The following METTL8 variants were observed in gnomAD, a reference collection of about 807,000 sequenced individuals.
METTL8 encodes the protein methyltransferase 8, tRNA N3-cytidine.
In METTL8, 32 loss-of-function variants were observed where a neutral mutation model predicts 48.7. The observed-to-expected ratio is 0.66, with a 90% CI of 0.50 to 0.88. The LOEUF (loss-of-function observed/expected upper bound fraction) is 0.88. METTL8 is among the 40% of genes least tolerant of loss of function. The probability of loss-of-function intolerance (pLI) is 0.00; values close to 1 mark genes in which losing one functional copy is unlikely to be tolerated. For missense variants in METTL8, 464 were observed against 474.4 expected (o/e 0.98, Z 0.20); for synonymous variants, 136 against 157.1 (o/e 0.87, Z 1.01).
At chr2:171,407,496 CT>C (rs1690311019) in intron 1 of METTL8, among the ~76,000 whole-genome samples, 1 of 152,074 alleles carries the variant, frequency 6.6e-6, no homozygotes, top group Non-Finnish European at 1.5e-5. Flanking sequence ...GAACGAGAGG[CT>C]CTTACAGTGT....
chr2:171,430,655 G>T (rs1692919701), intron 1 of METTL8, among the ~76,000 whole-genome samples: 1 of 152,148 alleles, frequency 6.6e-6, no homozygotes, highest in Non-Finnish European at 1.5e-5. Flanking sequence ...ATGGAGGAGG[G>T]CTGGAATTAA....
intron 4 of METTL8, among the ~76,000 whole-genome samples, chr2:171,338,016 A>T (rs528976018): frequency 5.1e-4 from 78 of 152,354 alleles, no homozygotes; most frequent in Admixed American, 9.1e-4. Context: ...GAATGGTATT[A>T]GTACAACTTC....
chr2:171,419,356 T>G (rs1691651773), intron 1 of METTL8, among the ~76,000 whole-genome samples: 1 of 152,206 alleles, frequency 6.6e-6, no homozygotes, highest in African/African-American at 2.4e-5. Context: ...GTATCTATAT[T>G]AAACTAGAGT....
chr2:171,331,793 G>A lies in METTL8; in HGVS notation c.720+11C>T. The stretch of plus-strand genomic sequence containing the variant: ...AGGCATCAGTTGGTATGATTCCCAG[G>A]AGTAGCATACCTTTACGAGCTCCAC... On this transcript the variant is annotated intron_variant, in intron 6 of 9. Coordinates refer to ENST00000375258, the MANE Select transcript of METTL8 (RefSeq NM_001321154.2). The A allele has an allele frequency of 1.9e-6, 3 of 1,595,226 alleles. No individual in the cohort carries two copies. The highest frequency in any genetic ancestry group is 1.1e-5 in the South Asian group (1 of 88,188).
intron 1 of METTL8, among the ~76,000 whole-genome samples, chr2:171,429,268 G>A (rs1692735626): frequency 6.6e-6 from 1 of 152,208 alleles, no homozygotes; most frequent in Non-Finnish European, 1.5e-5. Flanking sequence ...ATTGATACAT[G>A]TTAATGAGAA....
intron 1 of METTL8, among the ~76,000 whole-genome samples, chr2:171,419,297 A>G (rs975756544): frequency 6.6e-6 from 1 of 152,208 alleles, no homozygotes; most frequent in Non-Finnish European, 1.5e-5. Flanking sequence ...ATAATAAACC[A>G]AGTATATACA....
chr2:171,407,597 A>T (rs563518699), intron 1 of METTL8, among the ~76,000 whole-genome samples: 315 of 152,328 alleles, frequency 2.1e-3, no homozygotes, highest in Non-Finnish European at 3.2e-3. Context: ...CCACCATCTT[A>T]TGTTAATCTT....
chr2:171,410,468 C>A (rs894811204), intron 1 of METTL8, among the ~76,000 whole-genome samples: 1 of 152,180 alleles, frequency 6.6e-6, no homozygotes, highest in Non-Finnish European at 1.5e-5. Context: ...AACCTGTCAA[C>A]CAACTCCCTG....
intron 1 of METTL8, among the ~76,000 whole-genome samples, chr2:171,421,295 C>G (rs1009546903): frequency 3.3e-5 from 5 of 152,110 alleles, no homozygotes; most frequent in African/African-American, 1.2e-4. Context: ...TACTATTTAG[C>G]AAGGCACAGT....
At chr2:171,389,514 C>CA (rs56087323) in intron 2 of METTL8, among the ~76,000 whole-genome samples, 1,172 of 52,052 alleles carry the variant, frequency 0.023, 209 homozygotes, top group Non-Finnish European at 0.024. Flanking sequence ...CCCTGTCTCA[C>CA]AAAAAAAAAA....
chr2:171,381,177 T>C (rs991932606), intron 2 of METTL8, among the ~76,000 whole-genome samples: 19 of 152,128 alleles, frequency 1.2e-4, no homozygotes, highest in African/African-American at 4.3e-4. Context: ...CCTATATAAA[T>C]GGTGCTGGGA....
At chr2:171,399,829 A>C (rs1403341513) in intron 1 of METTL8, among the ~76,000 whole-genome samples, 2 of 152,148 alleles carry the variant, frequency 1.3e-5, no homozygotes, top group African/African-American at 4.8e-5. Flanking sequence ...TATATTTTGC[A>C]AATTGAAAAA....
chr2:171,425,609 G>A (rs889885892), intron 1 of METTL8, among the ~76,000 whole-genome samples: 1 of 152,192 alleles, frequency 6.6e-6, no homozygotes, highest in African/African-American at 2.4e-5. Flanking sequence ...AGTGAGGGTA[G>A]AACAGGACTG....
intron 4 of METTL8, among the ~76,000 whole-genome samples, chr2:171,338,952 A>C (rs567460021): frequency 2.0e-5 from 3 of 151,988 alleles, no homozygotes; most frequent in African/African-American, 7.3e-5. Flanking sequence ...GAAAACAGAC[A>C]ATTTTTTTTT....
intron 1 of METTL8, among the ~76,000 whole-genome samples, chr2:171,413,794 A>G (rs1690994764): frequency 6.6e-6 from 1 of 152,166 alleles, no homozygotes; most frequent in Non-Finnish European, 1.5e-5. Context: ...GAAAACAGTA[A>G]AATAATCTTC....
At chr2:171,352,747 T>G (rs906438613) in intron 3 of METTL8, among the ~76,000 whole-genome samples, 2 of 152,248 alleles carry the variant, frequency 1.3e-5, no homozygotes, top group Admixed American at 6.5e-5. Context: ...TTTTCTAGTT[T>G]ATTTGCATAG....
intron 1 of METTL8, among the ~76,000 whole-genome samples, chr2:171,427,563 T>C (rs1416295266): frequency 6.6e-6 from 1 of 152,144 alleles, no homozygotes; most frequent in Non-Finnish European, 1.5e-5. Flanking sequence ...GCCTTAGGAA[T>C]CCTGAACTCA....
At chr2:171,418,775 G>A (rs1456633582) in intron 1 of METTL8, among the ~76,000 whole-genome samples, 1 of 151,954 alleles carries the variant, frequency 6.6e-6, no homozygotes, top group Admixed American at 6.6e-5. Flanking sequence ...ACAACATGGC[G>A]AAACCCCATC....
intron 2 of METTL8, among the ~76,000 whole-genome samples, chr2:171,363,643 A>G (rs1464774171): frequency 6.6e-6 from 1 of 151,262 alleles, no homozygotes; most frequent in Non-Finnish European, 1.5e-5. Flanking sequence ...ATAGCAAAAA[A>G]TTAGAAACAA....
Sources: allele counts gnomAD v4.1 joint callset (sites outside exome capture counted in the v4.1 genomes callset), GRCh38; gene constraint gnomAD v4.1.1; transcripts MANE v1.5; gene names NCBI Gene and HGNC (gene_info 2026-07-23, HGNC 2026-07-21).